The following BABAM1 variants were observed in gnomAD, a reference collection of about 807,000 sequenced individuals.
BABAM1 encodes the protein BRISC and BRCA1-A complex member 1.
A neutral mutation model predicts 34.4 loss-of-function variants in BABAM1; 14 were observed. The ratio of observed to expected loss-of-function variants is 0.41; its 90% CI spans 0.27 to 0.64. BABAM1 has a LOEUF of 0.64. Ranked by LOEUF, BABAM1 falls within the 30% of genes least tolerant of loss-of-function variation. The pLI is 0.34. For synonymous variants in BABAM1, 169 were observed against 165.8 expected (o/e 1.02, Z -0.15); for missense variants, 393 against 434.0 (o/e 0.91, Z 0.84).
intron 8 of BABAM1, chr19:17,277,273 C>T: frequency 5.6e-6 from 1 of 179,238 alleles, no homozygotes; most frequent in Non-Finnish European, 1.2e-5. Flanking sequence ...ATGATCTCGG[C>T]TCACTGCAAC....
chr19:17,273,564 G>GTTTTTTTTTTTTTT (rs754203595), intron 3 of BABAM1, among the ~76,000 whole-genome samples: 81 of 45,928 alleles, frequency 1.8e-3, no homozygotes, highest in South Asian at 5.2e-3. Context: ...TGTTTGTTTT[G>GTTTTTTTTTTTTTT]TTTTTTTTTT....
chr19:17,267,765 C>T (rs2073785583), intron 1 of BABAM1, among the ~76,000 whole-genome samples: 1 of 152,188 alleles, frequency 6.6e-6, no homozygotes, highest in Non-Finnish European at 1.5e-5. Flanking sequence ...ACAAACTGCT[C>T]CATTCGCGTC....
chr19:17,270,991 CTTTT>C (rs778538341), intron 2 of BABAM1, among the ~76,000 whole-genome samples: 1 of 133,512 alleles, frequency 7.5e-6, no homozygotes, highest in Non-Finnish European at 1.6e-5. Context: ...CGCCTGGCCT[CTTTT>C]TTTTTTTTTT....
chr19:17,268,597 T>G, intron 1 of BABAM1, 197 bp from the exon 2 acceptor site: 10 of 509,366 alleles, frequency 2.0e-5, no homozygotes, highest in East Asian at 3.7e-5. Context: ...GCCCGGCTAA[T>G]TTTGTATTTT....
intron 2 of BABAM1, among the ~76,000 whole-genome samples, chr19:17,270,451 A>G (rs902128936): frequency 6.6e-6 from 1 of 152,076 alleles, no homozygotes; most frequent in African/African-American, 2.4e-5. Context: ...CTTGTCATCA[A>G]AACAGGATCT....
chr19:17,273,300 G>A (rs1051352140), intron 3 of BABAM1, among the ~76,000 whole-genome samples: 1 of 152,166 alleles, frequency 6.6e-6, no homozygotes, highest in Non-Finnish European at 1.5e-5. Flanking sequence ...CCTTGGAGAT[G>A]TTGAAGGTGA....
At chr19:17,277,282 A>T in intron 8 of BABAM1, 1 of 167,522 alleles carries the variant, frequency 6.0e-6, no homozygotes, top group South Asian at 1.5e-4. Flanking sequence ...GCTCACTGCA[A>T]CCTCTGCCTC....
intron 3 of BABAM1, among the ~76,000 whole-genome samples, chr19:17,273,175 C>T (rs1455714203): frequency 1.3e-5 from 2 of 152,214 alleles, no homozygotes; most frequent in Non-Finnish European, 2.9e-5. Context: ...AGCCAGGATT[C>T]GGACCCAGGC....
rs1292884224 is a variant in BABAM1, at chr19:17,268,943, G to A, written c.137G>A (p.Gly46Asp). Residue 46 changes from glycine to aspartate, a missense_variant, in exon 2 of 9, where the codon GGC becomes GAC. Transcript: ENST00000598188. ...GCAGTAGGGGCACAGGCCAGCGTGG[G>A]CAGCCGCAGCGAGGGTGAGGGTGAG... is the stretch of plus-strand genomic sequence containing the variant. The part of the protein sequence containing the change: ...DRAVGAQASV[G>D]SRSEGEGEAA... 1.9e-6 allele frequency: 3 copies of A among 1,574,588 alleles called. No individual in the cohort carries two copies. Among genetic ancestry groups the A allele is most frequent in the Non-Finnish European group, 2.6e-6 (3 of 1,161,350 alleles).
intron 5 of BABAM1, 99 bp downstream of exon 5, chr19:17,274,284 G>C (rs752174583): frequency 8.2e-6 from 12 of 1,454,938 alleles, no homozygotes; most frequent in Non-Finnish European, 1.1e-5. Flanking sequence ...GCTGGCTGAG[G>C]TTCAGATCTC....
At chr19:17,271,769 G>C in intron 3 of BABAM1, 114 bp downstream of exon 3, 1 of 1,225,232 alleles carries the variant, frequency 8.2e-7, no homozygotes, top group Non-Finnish European at 1.2e-6. Context: ...CTTCAGGCTT[G>C]GCAGTATCAG....
At chr19:17,275,745 C>G in intron 5 of BABAM1, 56 bp from the exon 6 acceptor site, 1 of 1,611,952 alleles carries the variant, frequency 6.2e-7, no homozygotes, top group Non-Finnish European at 8.5e-7. Flanking sequence ...TCGGGGAAGC[C>G]ACCTGTTTCC....
intron 6 of BABAM1, 89 bp downstream of exon 6, chr19:17,275,914 G>C (rs1418024874): frequency 2.0e-6 from 3 of 1,478,346 alleles, no homozygotes; most frequent in Non-Finnish European, 2.8e-6. Flanking sequence ...AAGTAATCTA[G>C]GGAGCCTTAA....
At chr19:17,268,648 C>T (rs1461766952) in intron 1 of BABAM1, 146 bp from the exon 2 acceptor site, 5 of 857,024 alleles carry the variant, frequency 5.8e-6, no homozygotes, top group Non-Finnish European at 8.6e-6. Flanking sequence ...AGGCTGGTCT[C>T]GAACTTCCAA....
Position 17,273,627 on chromosome 19 carries a change from G to C in BABAM1, c.345-277G>C, listed in dbSNP as rs976181510. Among the ~76,000 whole-genome samples the C allele has an allele frequency of 7.7e-5, 11 of 143,334 alleles. No individual in the cohort carries two copies. The South Asian group carries it at 8.9e-4, about 12-fold the overall frequency. 94.0% of individuals were successfully genotyped at this position (143,334 alleles called of 152,430 possible). On this transcript the variant is annotated intron_variant, in intron 3 of 8. Transcript: ENST00000598188. ...CGCCCAGGCTGGACTGCAGTGGCGC[G>C]ATCTCAGCTCACTGCAACCTCCGCC...
chr19:17,273,555 G>GTTT (rs1555716572), intron 3 of BABAM1, among the ~76,000 whole-genome samples: 28 of 13,208 alleles, frequency 2.1e-3, no homozygotes, highest in Non-Finnish European at 4.5e-3. Context: ...GTTTTTTTTT[G>GTTT]TTTGTTTTGT....
intron 3 of BABAM1, among the ~76,000 whole-genome samples, chr19:17,272,114 T>G (rs1026748812): frequency 6.6e-6 from 1 of 152,078 alleles, no homozygotes; most frequent in African/African-American, 2.4e-5. Flanking sequence ...TTAATTTTTG[T>G]ATTTTTAGTA....
intron 8 of BABAM1, among the ~76,000 whole-genome samples, chr19:17,278,136 T>C (rs2073932677): frequency 6.6e-6 from 1 of 151,716 alleles, no homozygotes; most frequent in Non-Finnish European, 1.5e-5. Flanking sequence ...ATCGTGCCGT[T>C]GCACTCCAGC....
chr19:17,274,234 G>C lies in BABAM1; in HGVS notation c.544+49G>C, dbSNP rs202202895. ...CCCATGAAGGGGGCTGTCTCCTTCTGTCATCCTTGGGGCCCAGGAAAGTCT... is the reference window on the plus strand; with the variant it reads ...CCCATGAAGGGGGCTGTCTCCTTCTCTCATCCTTGGGGCCCAGGAAAGTCT... On this transcript the variant is annotated intron_variant, in intron 5 of 8. Coordinates refer to ENST00000598188, the MANE Select transcript of BABAM1 (RefSeq NM_014173.4). 4 of 1,593,112 alleles carry C rather than the reference G, an allele frequency of 2.5e-6. No individual in the cohort carries two copies. In the Admixed American group the frequency reaches 6.7e-5, roughly 27 times the overall value.
Sources: gnomAD v4.1 joint callset for allele counts (sites outside exome capture counted in the v4.1 genomes callset) on GRCh38, gnomAD v4.1.1 for gene constraint, MANE v1.5 for transcripts, NCBI Gene and HGNC (gene_info 2026-07-23, HGNC 2026-07-21) for gene names.